The following STXBP5 variants were observed in gnomAD, a reference collection of about 807,000 sequenced individuals.
The protein encoded by STXBP5 is syntaxin-binding protein 5.
A neutral mutation model predicts 152.4 loss-of-function variants in STXBP5; 50 were observed. That is an observed-to-expected ratio of 0.33 (90% CI 0.26 to 0.42). The LOEUF (loss-of-function observed/expected upper bound fraction) is 0.42, where lower values mean the gene tolerates loss of function less well. Among genes scored for constraint, STXBP5 ranks in the 10% least tolerant of loss-of-function variants. The probability of loss-of-function intolerance (pLI) is 1.00; values close to 1 mark genes in which losing one functional copy is unlikely to be tolerated. For missense variants in STXBP5, 1,167 were observed against 1,388.6 expected (o/e 0.84, Z 2.54); for synonymous variants, 492 against 494.7 (o/e 0.99, Z 0.07).
In STXBP5 at chr6:147,256,284, T is replaced by C. The variant is rs191677032; in HGVS notation, c.432-4331T>C. 1.1e-3 allele frequency among the ~76,000 whole-genome samples: 170 copies of C among 152,362 alleles called. No homozygotes were observed. The Middle Eastern group carries it at 0.014, about 12-fold the overall frequency. On this transcript the variant is annotated intron_variant, in intron 4 of 27. Coordinates refer to ENST00000321680, the MANE Select transcript of STXBP5 (RefSeq NM_001127715.4). ...GAGATAGCAACAGAAAGATAGTCTCTGCCTCACTTCTGCCTACACATTTCA... is the reference window on the plus strand; with the variant it reads ...GAGATAGCAACAGAAAGATAGTCTCCGCCTCACTTCTGCCTACACATTTCA...
chr6:147,355,778 C>T (rs562527274), intron 22 of STXBP5, among the ~76,000 whole-genome samples: 5 of 146,618 alleles, frequency 3.4e-5, no homozygotes, highest in South Asian at 2.1e-4. Flanking sequence ...GTGCCTGGCA[C>T]ATGGTAGGCC....
rs959794303 is a variant in STXBP5, at chr6:147,310,216, G to A, written c.1050G>A (p.Leu350=). 3.1e-6 allele frequency: 5 copies of A among 1,587,478 alleles called. No homozygotes were observed. The highest frequency in any genetic ancestry group is 1.4e-5 in the African/African-American group (1 of 73,542). Residue 350 remains leucine (L), a synonymous_variant, in exon 10 of 28, where the codon CTG becomes CTA. Transcript: ENST00000321680. ...ATTCAATTGTTGATTTTCTAACGCT[G>A]TGTGAAACACCATACCCAAATGGTA... is the stretch of plus-strand genomic sequence containing the variant. ...MDYSIVDFLT[L]CETPYPNDFQ... is the part of the protein sequence containing the mutation.
intron 2 of STXBP5, among the ~76,000 whole-genome samples, chr6:147,216,323 C>T (rs573309908): frequency 4.8e-4 from 73 of 152,000 alleles, no homozygotes; most frequent in Non-Finnish European, 8.8e-4. Flanking sequence ...ACTTGGGAGG[C>T]GGAGGTTGCC....
At chr6:147,254,776 C>T (rs1045144557) in intron 4 of STXBP5, among the ~76,000 whole-genome samples, 2 of 152,216 alleles carry the variant, frequency 1.3e-5, no homozygotes, top group African/African-American at 4.8e-5. Flanking sequence ...GATATCATCT[C>T]ACACCAGTTA....
intron 7 of STXBP5, 26 bp from the exon 8 acceptor site, chr6:147,278,054 TA>T: frequency 6.3e-7 from 1 of 1,581,254 alleles, no homozygotes. Flanking sequence ...ATAGATTTTT[TA>T]AATGGTATTT....
At position 147,364,073 on chromosome 6, in the gene STXBP5, C is replaced by CAA; in HGVS notation, c.2988_2989insAA (p.Cys997AsnfsTer42). ...CCAATATGCGGATAGCCAGAACGTT[C>CAA]TGCTTTACCAACAATGGACAAGCAT... On this transcript the variant is annotated frameshift_variant, in exon 25 of 28. Transcript: ENST00000321680. LOFTEE classifies it high-confidence loss of function. 1 of 1,614,020 alleles carries CAA rather than the reference C, an allele frequency of 6.2e-7. No individual in the cohort carries two copies. Among genetic ancestry groups the CAA allele is most frequent in the African/African-American group, 1.3e-5 (1 of 75,040 alleles).
chr6:147,295,997 G>T (rs1331009540), intron 9 of STXBP5, among the ~76,000 whole-genome samples: 1 of 152,076 alleles, frequency 6.6e-6, no homozygotes, highest in African/African-American at 2.4e-5. Context: ...GATCCCAGCT[G>T]CTCAGTGCCT....
At position 147,341,934 on chromosome 6, in the gene STXBP5, C is replaced by CTTAT. The variant is rs1469706462; in HGVS notation, c.2254+2550_2254+2551insTTAT. Reference sequence around the variant, plus strand: ...CCAGCGGGTTAGTTACTACTGTTTCCCTGTTTTACAGATAAGGAAACTGAA... The same window carrying CTTAT: ...CCAGCGGGTTAGTTACTACTGTTTCCTTATCTGTTTTACAGATAAGGAAACTGAA... On this transcript the variant is annotated intron_variant, in intron 21 of 27. Coordinates refer to ENST00000321680, the MANE Select transcript of STXBP5 (RefSeq NM_001127715.4). Among the ~76,000 whole-genome samples, 43 of 152,200 alleles carry CTTAT rather than the reference C, an allele frequency of 2.8e-4. No individual in the cohort carries two copies. The East Asian group carries it at 8.3e-3, about 29-fold the overall frequency.
chr6:147,227,875 T>G (rs996971471), intron 2 of STXBP5, among the ~76,000 whole-genome samples: 5 of 152,164 alleles, frequency 3.3e-5, no homozygotes, highest in African/African-American at 1.2e-4. Context: ...TTTCCTTTCT[T>G]GTACAGCTGC....
intron 14 of STXBP5, 84 bp downstream of exon 14, chr6:147,314,720 C>A: frequency 1.0e-6 from 1 of 999,432 alleles, no homozygotes; most frequent in Non-Finnish European, 1.4e-6. Flanking sequence ...ATTGCATAAC[C>A]AATATTTAAT....
intron 7 of STXBP5, among the ~76,000 whole-genome samples, chr6:147,277,292 T>C (rs1780489981): frequency 6.6e-6 from 1 of 152,144 alleles, no homozygotes; most frequent in African/African-American, 2.4e-5. Flanking sequence ...TTTTGTGCTA[T>C]ACTCTGCAAT....
chr6:147,315,715 G>A lies in STXBP5; in HGVS notation c.1603G>A (p.Val535Ile). The change falls in exon 15 of 28, where the codon GTA becomes ATA. Residue 535 changes from valine (V) to isoleucine (I), a missense_variant. Physicochemically the swap from Val to Ile is conservative, Grantham distance 29. Around this residue, in one of 3 missense-constraint regions of STXBP5, gnomAD observed 833 missense variants for 986.3 expected, o/e 0.84. Coordinates refer to ENST00000321680, the MANE Select transcript of STXBP5 (RefSeq NM_001127715.4). The stretch of plus-strand genomic sequence containing the variant: ...TATTTATAGATTCAGCAAGCAGGAA[G>A]TAATCACAGAAGTCATTCCGGTAAT... ...VIIYRFSKQE[V>I]ITEVIPMLEV... 8 of 1,613,466 alleles carry A rather than the reference G, an allele frequency of 5.0e-6. No individual in the cohort carries two copies. Among genetic ancestry groups the A allele is most frequent in the Non-Finnish European group, 6.8e-6 (8 of 1,179,550 alleles).
rs1309649984 is a variant in STXBP5, at chr6:147,264,369, A to C, written c.630+2016A>C. Among the ~76,000 whole-genome samples, 7 of 152,094 alleles carry C rather than the reference A, an allele frequency of 4.6e-5. No homozygotes were observed. The South Asian group carries it at 1.4e-3, about 32-fold the overall frequency. ...TTTCAAGCACTGTGCTTGCCACTTT[A>C]TATACACGATTTCATTTGATCTTTT... On this transcript the variant is annotated intron_variant, in intron 6 of 27. Transcript: ENST00000321680.
At chr6:147,255,150 G>C (rs1179720396) in intron 4 of STXBP5, among the ~76,000 whole-genome samples, 2 of 152,190 alleles carry the variant, frequency 1.3e-5, no homozygotes, top group Non-Finnish European at 2.9e-5. Context: ...AAAAGGATGA[G>C]ATCATGTCCT....
intron 2 of STXBP5, among the ~76,000 whole-genome samples, chr6:147,206,523 C>T (rs1048138863): frequency 6.6e-6 from 1 of 151,832 alleles, no homozygotes; most frequent in Non-Finnish European, 1.5e-5. Flanking sequence ...TTGGCATGTC[C>T]GTGTAGAAAA....
intron 16 of STXBP5, among the ~76,000 whole-genome samples, chr6:147,323,893 A>G (rs955100566): frequency 7.2e-5 from 11 of 151,794 alleles, no homozygotes; most frequent in Non-Finnish European, 1.3e-4. Context: ...CCAACATCAA[A>G]CCTTTGTGGA....
intron 2 of STXBP5, among the ~76,000 whole-genome samples, chr6:147,225,827 G>A (rs1471881793): frequency 6.6e-6 from 1 of 152,144 alleles, no homozygotes; most frequent in Non-Finnish European, 1.5e-5. Flanking sequence ...TGTTGTGATT[G>A]TAATAACAAC....
At chr6:147,347,807 G>C (rs1784405690) in intron 21 of STXBP5, among the ~76,000 whole-genome samples, 1 of 152,150 alleles carries the variant, frequency 6.6e-6, no homozygotes, top group Non-Finnish European at 1.5e-5. Context: ...ACTTTAGTTA[G>C]ATGTAAGGAA....
chr6:147,219,293 C>G (rs184357607), intron 2 of STXBP5, among the ~76,000 whole-genome samples: 1 of 152,024 alleles, frequency 6.6e-6, no homozygotes, highest in South Asian at 2.1e-4. Context: ...CTGTGTGATT[C>G]TTTTTATACA....
Sources: allele counts gnomAD v4.1 joint callset (sites outside exome capture counted in the v4.1 genomes callset), GRCh38; gene constraint gnomAD v4.1.1; regional missense constraint gnomAD v4.1.1; transcripts MANE v1.5; gene names NCBI Gene and HGNC (gene_info 2026-07-23, HGNC 2026-07-21).